The following PRKCB variants were observed in gnomAD, a reference collection of about 807,000 sequenced individuals.
PRKCB encodes the protein protein kinase C beta type.
Under a neutral mutation model 81.5 loss-of-function variants are expected in PRKCB, and 13 were observed. The ratio of observed to expected loss-of-function variants is 0.16; its 90% CI spans 0.10 to 0.25. The LOEUF (loss-of-function observed/expected upper bound fraction) is 0.25. Ranked by LOEUF, PRKCB falls within the 10% of genes least tolerant of loss-of-function variation. The pLI is 1.00. For synonymous variants in PRKCB, 335 were observed against 321.4 expected (o/e 1.04, Z -0.45); for missense variants, 509 against 875.7 (o/e 0.58, Z 5.29).
chr16:23,929,363 G>C (rs1462233831), intron 2 of PRKCB, among the ~76,000 whole-genome samples: 2 of 152,104 alleles, frequency 1.3e-5, no homozygotes, highest in Admixed American at 6.5e-5. Flanking sequence ...ATGAACTCTT[G>C]AACCAGATGG....
chr16:24,113,070 G>A lies in PRKCB; in HGVS notation c.918+1G>A. 1 of 1,607,630 alleles carries A rather than the reference G, an allele frequency of 6.2e-7. No individual in the cohort carries two copies. The highest frequency in any genetic ancestry group is 8.5e-7 in the Non-Finnish European group (1 of 1,176,866). On this transcript the variant is annotated splice_donor_variant, in intron 8 of 16. Transcript: ENST00000643927. LOFTEE classifies it high-confidence loss of function. ...TGAAGAACTGCGGCAGAAATTTGAG[G>A]TGAGGTTTCTTTTCTTTTTCTCTTC...
At chr16:24,104,486 G>T (rs1487815670) in intron 7 of PRKCB, among the ~76,000 whole-genome samples, 2 of 152,264 alleles carry the variant, frequency 1.3e-5, no homozygotes, top group East Asian at 3.9e-4. Context: ...AATTGTAAAT[G>T]AACAAAAATA....
intron 9 of PRKCB, 119 bp downstream of exon 9, chr16:24,124,100 C>A: frequency 1.8e-6 from 2 of 1,142,258 alleles, no homozygotes; most frequent in Non-Finnish European, 2.5e-6. Context: ...GTAAATAGAG[C>A]CACACTACAC....
At chr16:23,902,064 G>A (rs1205702801) in intron 2 of PRKCB, among the ~76,000 whole-genome samples, 1 of 152,090 alleles carries the variant, frequency 6.6e-6, no homozygotes, top group Admixed American at 6.6e-5. Context: ...CCCCCAGGAA[G>A]AGATTTGATT....
chr16:23,966,810 A>T (rs1308384767), intron 2 of PRKCB, among the ~76,000 whole-genome samples: 1 of 152,122 alleles, frequency 6.6e-6, no homozygotes, highest in African/African-American at 2.4e-5. Context: ...GCATCTGGGG[A>T]CACAGCAGAG....
intron 2 of PRKCB, among the ~76,000 whole-genome samples, chr16:23,859,277 T>C (rs1962623151): frequency 6.6e-6 from 1 of 152,162 alleles, no homozygotes; most frequent in Admixed American, 6.5e-5. Context: ...TGGTCAGTCT[T>C]TGGCCAGGGC....
intron 2 of PRKCB, chr16:23,963,775 C>T (rs1427930579): frequency 6.6e-6 from 1 of 152,270 alleles, no homozygotes; most frequent in African/African-American, 2.4e-5. Context: ...TAAGGACCGC[C>T]TGGGGCTGCC....
chr16:23,945,594 A>G (rs978455553), intron 2 of PRKCB, among the ~76,000 whole-genome samples: 1 of 152,090 alleles, frequency 6.6e-6, no homozygotes, highest in Non-Finnish European at 1.5e-5. Context: ...GTGACCTCTC[A>G]GCTTCCTAGA....
At chr16:24,043,484 C>T (rs1450144514) in intron 5 of PRKCB, among the ~76,000 whole-genome samples, 2 of 152,054 alleles carry the variant, frequency 1.3e-5, no homozygotes, top group African/African-American at 4.8e-5. Flanking sequence ...GAACATCTAT[C>T]ATCTTTCTCA....
rs947052022 is a variant in PRKCB, at chr16:23,864,017, G to T, written c.205+26611G>T. On this transcript the variant is annotated intron_variant, in intron 2 of 16. Coordinates refer to ENST00000643927, the MANE Select transcript of PRKCB (RefSeq NM_002738.7). ...CAGAGTAAAATCTTAGCTAAGCTGA[G>T]GTCAAACTTCAAAACTTAGTAATAA... is the stretch of plus-strand genomic sequence containing the variant. Among the ~76,000 whole-genome samples, 7 of 152,188 alleles carry T rather than the reference G, an allele frequency of 4.6e-5. No individual in the cohort carries two copies. The South Asian group carries it at 6.2e-4, about 14-fold the overall frequency.
chr16:24,219,653 GCAACACACACACACACACA>G lies in PRKCB; in HGVS notation c.*4840_*4858del, dbSNP rs1968289169. ...TCATCCTAAAGCCAAAGAAAATACA[GCAACACACACACACACACA>G]CACACACACACACACACACACACAC... On this transcript the variant is annotated 3_prime_UTR_variant, in exon 17 of 17. Coordinates refer to ENST00000643927, the MANE Select transcript of PRKCB (RefSeq NM_002738.7). 9.9e-6 allele frequency: 9 copies of G among 904,554 alleles called. No individual in the cohort carries two copies. The highest frequency in any genetic ancestry group is 1.2e-5 in the Non-Finnish European group (9 of 764,682). The allele number at this position is 904,554 out of a possible 1,614,324, so 56.0% of individuals were successfully genotyped here. A position where few individuals can be genotyped will look rare whatever the true frequency, so the allele number is the denominator to read the frequency against.
At chr16:23,932,637 T>G (rs1429426146) in intron 2 of PRKCB, among the ~76,000 whole-genome samples, 2 of 152,118 alleles carry the variant, frequency 1.3e-5, no homozygotes, top group Non-Finnish European at 2.9e-5. Context: ...GCAATGTGCA[T>G]CAAAAAATAG....
At chr16:24,056,306 G>C (rs1965901909) in intron 5 of PRKCB, among the ~76,000 whole-genome samples, 1 of 152,220 alleles carries the variant, frequency 6.6e-6, no homozygotes, top group African/African-American at 2.4e-5. Flanking sequence ...ACTAGTTCAA[G>C]AGGCAGCTTA....
intron 9 of PRKCB, among the ~76,000 whole-genome samples, chr16:24,132,163 T>G (rs530114834): frequency 6.6e-6 from 1 of 152,312 alleles, no homozygotes; most frequent in African/African-American, 2.4e-5. Flanking sequence ...TCCTTTTGTA[T>G]TATGTCTCCT....
chr16:23,868,664 A>G (rs1427236686), intron 2 of PRKCB, among the ~76,000 whole-genome samples: 3 of 152,252 alleles, frequency 2.0e-5, no homozygotes, highest in East Asian at 3.8e-4. Context: ...ATCAATTAAT[A>G]GAACCATTTC....
intron 2 of PRKCB, among the ~76,000 whole-genome samples, chr16:23,922,910 TACAG>T (rs1225999121): frequency 6.6e-6 from 1 of 151,034 alleles, no homozygotes; most frequent in Non-Finnish European, 1.5e-5. Context: ...TAGCCAGTGT[TACAG>T]ACATAGTTTA....
At chr16:24,105,055 A>ATTTT (rs71154278) in intron 7 of PRKCB, among the ~76,000 whole-genome samples, 13 of 148,136 alleles carry the variant, frequency 8.8e-5, no homozygotes, top group African/African-American at 2.5e-4. Flanking sequence ...ACGTTGTTGG[A>ATTTT]TTTTTTTTTT....
At chr16:24,011,459 C>G (rs906521846) in intron 3 of PRKCB, among the ~76,000 whole-genome samples, 8 of 152,166 alleles carry the variant, frequency 5.3e-5, no homozygotes, top group Non-Finnish European at 8.8e-5. Context: ...TGCCTGGGCT[C>G]CAATCTTGGC....
chr16:24,095,705 A>G (rs1191973171), intron 7 of PRKCB, among the ~76,000 whole-genome samples: 2 of 152,120 alleles, frequency 1.3e-5, no homozygotes, highest in Non-Finnish European at 2.9e-5. Context: ...GTCATAATTT[A>G]AAATATACAA....
Sources: gnomAD v4.1 joint callset for allele counts (sites outside exome capture counted in the v4.1 genomes callset) on GRCh38, gnomAD v4.1.1 for gene constraint, MANE v1.5 for transcripts, NCBI Gene and HGNC (gene_info 2026-07-23, HGNC 2026-07-21) for gene names.